The following BAZ2B variants were observed in gnomAD, a reference collection of about 807,000 sequenced individuals.
BAZ2B encodes bromodomain adjacent to zinc finger domain protein 2B.
In BAZ2B, 91 loss-of-function variants were observed where a neutral mutation model predicts 246.0. The ratio of observed to expected loss-of-function variants is 0.37; its 90% CI spans 0.31 to 0.44. The LOEUF is 0.44. Ranked by LOEUF, BAZ2B falls within the 20% of genes least tolerant of loss-of-function variation. The pLI is 1.00. For missense variants in BAZ2B, 2,332 were observed against 2,533.7 expected, an observed-to-expected ratio of 0.92 and a Z score of 1.71; for synonymous variants, 855 against 860.0, an observed-to-expected ratio of 0.99 and a Z score of 0.10.
intron 3 of BAZ2B, chr2:159,462,503 G>T: frequency 1.0e-6 from 1 of 986,700 alleles, no homozygotes; most frequent in Non-Finnish European, 1.6e-6. Context: ...TGTGGTATCT[G>T]ACATTGTTTG....
chr2:159,613,459 TAA>T (rs70997176), intron 1 of BAZ2B, among the ~76,000 whole-genome samples: 72,700 of 144,036 alleles, frequency 0.5, 19,608 homozygotes, highest in Admixed American at 0.67. Flanking sequence ...TCTGATTTTC[TAA>T]AAAAAAAAAA....
chr2:159,701,067 A>G, the BAZ2B span, among the ~76,000 whole-genome samples: 12 of 152,182 alleles, frequency 7.9e-5, no homozygotes, highest in Admixed American at 4.6e-4. Flanking sequence ...ATATTACAAA[A>G]CTTCGTTTTA....
the BAZ2B span, among the ~76,000 whole-genome samples, chr2:159,708,500 A>G: frequency 3.3e-5 from 5 of 152,036 alleles, no homozygotes; most frequent in Non-Finnish European, 7.4e-5. Flanking sequence ...GAGGTTTCTC[A>G]GACAGGGTTT....
intron 2 of BAZ2B, among the ~76,000 whole-genome samples, chr2:159,543,492 CAAAT>C (rs1404826695): frequency 6.7e-6 from 1 of 150,206 alleles, no homozygotes; most frequent in Non-Finnish European, 1.5e-5. Flanking sequence ...TTTATATAAA[CAAAT>C]AGCCCCACAT....
At chr2:159,482,211 T>A (rs1347587437) in intron 2 of BAZ2B, among the ~76,000 whole-genome samples, 1 of 150,210 alleles carries the variant, frequency 6.7e-6, no homozygotes. Context: ...TTAAAGAGTA[T>A]AAAAAACTAA....
the BAZ2B span, among the ~76,000 whole-genome samples, chr2:159,690,968 A>G: frequency 6.6e-5 from 10 of 152,280 alleles, no homozygotes; most frequent in African/African-American, 2.2e-4. Flanking sequence ...TGATGGTACT[A>G]GTAAAAATGT....
chr2:159,346,624 G>A (rs905967909), intron 31 of BAZ2B, among the ~76,000 whole-genome samples: 2 of 152,092 alleles, frequency 1.3e-5, no homozygotes, highest in Non-Finnish European at 2.9e-5. Context: ...TGGAAGTGGA[G>A]GTTGCAGTAA....
In BAZ2B at chr2:159,348,962, T is replaced by C; in HGVS notation, c.5137+45A>G. 3.1e-6 allele frequency: 5 copies of C among 1,596,072 alleles called. 1 individual carries two copies. In the South Asian group the frequency reaches 5.6e-5, roughly 18 times the overall value. On this transcript the variant is annotated intron_variant, in intron 29 of 36. Coordinates refer to ENST00000392783, the MANE Select transcript of BAZ2B (RefSeq NM_013450.4). Reference sequence around the variant, plus strand: ...TCAGTTATAATACAGGAATCCATAATATTGAAATTGAGTAAGTGGCTGTAA... The same window carrying C: ...TCAGTTATAATACAGGAATCCATAACATTGAAATTGAGTAAGTGGCTGTAA...
At chr2:159,614,948 C>T (rs1695561308) in intron 1 of BAZ2B, among the ~76,000 whole-genome samples, 1 of 152,110 alleles carries the variant, frequency 6.6e-6, no homozygotes, top group Non-Finnish European at 1.5e-5. Context: ...TACTTCTTTC[C>T]TTTCCTCAAA....
chr2:159,574,678 A>G (rs1684863649), intron 1 of BAZ2B, among the ~76,000 whole-genome samples: 1 of 152,210 alleles, frequency 6.6e-6, no homozygotes, highest in Admixed American at 6.5e-5. Flanking sequence ...ACAATGAAAT[A>G]TTATTTGGTA....
chr2:159,672,017 T>G, the BAZ2B span, among the ~76,000 whole-genome samples: 1 of 152,222 alleles, frequency 6.6e-6, no homozygotes, highest in Non-Finnish European at 1.5e-5. Context: ...TGTGTACATA[T>G]TGTTATGTTA....
intron 36 of BAZ2B, among the ~76,000 whole-genome samples, chr2:159,322,926 C>G (rs2062891870): frequency 1.3e-5 from 2 of 151,972 alleles, no homozygotes; most frequent in Non-Finnish European, 2.9e-5. Context: ...TTCCTTCTCT[C>G]TTTCTCTTCC....
At chr2:159,647,242 G>C in the BAZ2B span, among the ~76,000 whole-genome samples, 2 of 152,198 alleles carry the variant, frequency 1.3e-5, no homozygotes, top group East Asian at 3.8e-4. Flanking sequence ...AAGACCTACA[G>C]TCAGCAAATT....
the BAZ2B span, among the ~76,000 whole-genome samples, chr2:159,663,189 TG>T: frequency 6.6e-6 from 1 of 151,586 alleles, no homozygotes; most frequent in Admixed American, 6.6e-5. Flanking sequence ...CTTTTGTTGT[TG>T]TTTTTTTTTT....
chr2:159,318,807 C>CT (rs143653440), downstream of BAZ2B, among the ~76,000 whole-genome samples: 3,665 of 152,244 alleles, frequency 0.024, 139 homozygotes, highest in African/African-American at 0.081. Flanking sequence ...GGTTTTCAGG[C>CT]TACAGAAGTT....
chr2:159,416,348 A>T (rs954165040), intron 13 of BAZ2B, among the ~76,000 whole-genome samples: 1 of 152,226 alleles, frequency 6.6e-6, no homozygotes, highest in Admixed American at 6.5e-5. Flanking sequence ...GCCACTAAAA[A>T]GGAAGATATC....
At chr2:159,403,006 T>TAG (rs1373576447) in intron 16 of BAZ2B, among the ~76,000 whole-genome samples, 2 of 152,186 alleles carry the variant, frequency 1.3e-5, no homozygotes, top group East Asian at 3.9e-4. Context: ...TTAGTAAATA[T>TAG]AGAGTCCTCG....
At chr2:159,710,287 C>A in the BAZ2B span, among the ~76,000 whole-genome samples, 1 of 150,958 alleles carries the variant, frequency 6.6e-6, no homozygotes, top group Non-Finnish European at 1.5e-5. Flanking sequence ...TGGCTCACTG[C>A]AACTTCTGCC....
intron 2 of BAZ2B, among the ~76,000 whole-genome samples, chr2:159,526,998 C>T (rs1280120882): frequency 8.0e-5 from 12 of 150,624 alleles, no homozygotes; most frequent in East Asian, 2.0e-4. Context: ...AGTGGTTGTA[C>T]CATTTTACAT....
Sources: allele counts gnomAD v4.1 joint callset (sites outside exome capture counted in the v4.1 genomes callset), GRCh38; gene constraint gnomAD v4.1.1; transcripts MANE v1.5; gene names NCBI Gene and HGNC (gene_info 2026-07-23, HGNC 2026-07-21).